Variants in CUZD1 observed in about 807,000 individuals in gnomAD.
CUZD1 encodes CUB and zona pellucida-like domain-containing protein 1.
CUZD1 carries 42 observed loss-of-function variants against 53.1 expected under a neutral mutation model. The ratio of observed to expected loss-of-function variants is 0.79; its 90% confidence interval spans 0.62 to 1.02. The LOEUF is 1.02. Among genes scored for constraint, CUZD1 ranks in the 50% least tolerant of loss-of-function variants. The pLI, the probability that CUZD1 is intolerant of heterozygous loss-of-function variation, is 0.00. For missense variants in CUZD1, 670 were observed against 715.7 expected (o/e 0.94, Z 0.73); for synonymous variants, 238 against 257.2 (o/e 0.93, Z 0.71).
chr10:122,833,962 T>G, intron 7 of CUZD1, 22 bp from the exon 8 acceptor site: 1 of 1,599,194 alleles, frequency 6.3e-7, no homozygotes, highest in East Asian at 2.2e-5. Flanking sequence ...TTTATGAACA[T>G]GTTTAGAAGA....
chr10:122,837,738 G>A (rs1053612606), intron 3 of CUZD1, 184 bp from the exon 4 acceptor site: 5 of 526,762 alleles, frequency 9.5e-6, no homozygotes, highest in African/African-American at 8.0e-5. Context: ...CTGGTGCAGG[G>A]CAGAGAGGGA....
chr10:122,844,172 T>C (rs1317391547), intron 1 of CUZD1, among the ~76,000 whole-genome samples: 1 of 151,536 alleles, frequency 6.6e-6, no homozygotes, highest in Non-Finnish European at 1.5e-5. Context: ...GGGACTACAG[T>C]CATGTACCAC....
chr10:122,835,345 T>C (rs962595614), intron 6 of CUZD1, among the ~76,000 whole-genome samples: 1 of 152,198 alleles, frequency 6.6e-6, no homozygotes, highest in Admixed American at 6.5e-5. Flanking sequence ...TTTTTTCAGT[T>C]ACAGTAAAAT....
chr10:122,834,711 C>A lies in CUZD1; in HGVS notation c.1377G>T (p.Lys459Asn). 1 of 1,595,894 alleles carries A rather than the reference C, an allele frequency of 6.3e-7. No individual in the cohort carries two copies. Among genetic ancestry groups the A allele is most frequent in the Non-Finnish European group, 8.5e-7 (1 of 1,170,604 alleles). The change falls in exon 7 of 9, where the codon AAG (lysine) becomes AAT (asparagine). Residue 459 changes from lysine to asparagine, a missense_variant. Lys to Asn is a moderately conservative substitution (Grantham distance 94). Coordinates refer to ENST00000392790, the MANE Select transcript of CUZD1 (RefSeq NM_022034.6). ...TCAGTTACATTAATACATACCCACT[C>A]TTGATTAGGTCGTAGGTTGGAGATG... The part of the protein sequence containing the change: ...DFASPTYDLI[K>N]SGCSRDETCK...
At position 122,836,182 on chromosome 10, in the gene CUZD1, CT is replaced by C. The variant is rs1847247088; in HGVS notation, c.985del (p.Arg329GlufsTer3). On this transcript the variant is annotated frameshift_variant, in exon 6 of 9. Coordinates refer to ENST00000392790, the MANE Select transcript of CUZD1 (RefSeq NM_022034.6). LOFTEE classifies it high-confidence loss of function. ...GCTATCAGTATTTCACTTTACCTTT[CT>C]GATTGTACCACATCCATTAAGAGGG... ...SVPLNGCGTI[R>X]KVEDQSITYT... is the part of the protein sequence containing the mutation. 1.9e-6 allele frequency: 3 copies of C among 1,598,586 alleles called. No homozygotes were observed. Among genetic ancestry groups the C allele is most frequent in the Non-Finnish European group, 1.7e-6 (2 of 1,175,314 alleles).
chr10:122,835,074 G>GT lies in CUZD1; in HGVS notation c.1013dup (p.Tyr338Ter), dbSNP rs1847227518. 6.3e-7 allele frequency: 1 copy of GT among 1,584,620 alleles called. No homozygotes were observed. The highest frequency in any genetic ancestry group is 1.2e-5 in the South Asian group (1 of 85,628). ...IRKVEDQSIT[Y>*]TNIITFSASS... ...ATGCAGAAAAGGTGATTATATTGGT[G>GT]TAAGTAATTGACTGATCTTCTACCT... The change falls in exon 7 of 9, where the codon TAC (tyrosine) becomes TAAC (stop). Residue 338 changes from tyrosine (Y) to a stop codon, truncating the protein, a stop_gained and frameshift_variant. Transcript: ENST00000392790. LOFTEE classifies it high-confidence loss of function.
chr10:122,838,150 C>A (rs1311503725), intron 3 of CUZD1: 1 of 152,484 alleles, frequency 6.6e-6, no homozygotes, highest in Non-Finnish European at 1.5e-5. Context: ...ATGCAGAGAG[C>A]TCTTTTTGGA....
intron 1 of CUZD1, among the ~76,000 whole-genome samples, chr10:122,844,594 G>A (rs999235899): frequency 7.2e-5 from 11 of 152,144 alleles, no homozygotes; most frequent in African/African-American, 2.4e-4. Flanking sequence ...GGGGCTGGGC[G>A]TGGTGACTCA....
At chr10:122,841,821 T>C (rs1188868399) in intron 1 of CUZD1, among the ~76,000 whole-genome samples, 1 of 152,206 alleles carries the variant, frequency 6.6e-6, no homozygotes, top group African/African-American at 2.4e-5. Flanking sequence ...TTCTAACAGA[T>C]GTGTAGCAGC....
Position 122,837,053 on chromosome 10 carries a change from A to G in CUZD1, c.600-5T>C. 6.3e-7 allele frequency: 1 copy of G among 1,587,830 alleles called. No homozygotes were observed. Among genetic ancestry groups the G allele is most frequent in the Non-Finnish European group, 8.6e-7 (1 of 1,158,200 alleles). On this transcript the variant is annotated splice_polypyrimidine_tract_variant and splice_region_variant and intron_variant, in intron 4 of 8. Transcript: ENST00000392790. Reference sequence around the variant, plus strand: ...CACTGTTTGTCTATTTCTAGGCTAGAGAATGAGGGCCTCTGGTGAAAAAGA... The same window carrying G: ...CACTGTTTGTCTATTTCTAGGCTAGGGAATGAGGGCCTCTGGTGAAAAAGA...
At chr10:122,844,695 T>C (rs1847408789) in intron 1 of CUZD1, among the ~76,000 whole-genome samples, 1 of 152,002 alleles carries the variant, frequency 6.6e-6, no homozygotes, top group African/African-American at 2.4e-5. Flanking sequence ...TAGTGAAAAT[T>C]TTTTTCTATA....
At chr10:122,843,717 G>T (rs1218413362) in intron 1 of CUZD1, among the ~76,000 whole-genome samples, 1 of 150,820 alleles carries the variant, frequency 6.6e-6, no homozygotes, top group Non-Finnish European at 1.5e-5. Flanking sequence ...GAGACAGAAA[G>T]TAGAGTAGTG....
At position 122,836,283 on chromosome 10, in the gene CUZD1, G is replaced by C; in HGVS notation, c.885C>G (p.Asn295Lys). 6.2e-7 allele frequency: 1 copy of C among 1,610,158 alleles called. No homozygotes were observed. Among genetic ancestry groups the C allele is most frequent in the Non-Finnish European group, 8.5e-7 (1 of 1,178,824 alleles). Residue 295 changes from asparagine (N) to lysine (K), a missense_variant, in exon 6 of 9, where the codon AAC (asparagine) becomes AAG (lysine). Asn to Lys is a moderately conservative substitution (Grantham distance 94). Coordinates refer to ENST00000392790, the MANE Select transcript of CUZD1 (RefSeq NM_022034.6). ...IISKSYLEAFNSNGNNLQLKD... is the reference protein window; with the variant it reads ...IISKSYLEAFKSNGNNLQLKD... ...TTAGTTGCAAGTTATTCCCATTAGA[G>C]TTAAAAGCCTCTAGGTAGGATTTGC...
In CUZD1 at chr10:122,833,708, G is replaced by T. The variant is rs556196978; in HGVS notation, c.1615C>A (p.Arg539Ser). ...CTTGCACTTCGATCCCTTTTCAGAC[G>T]AATGGGTCCTATGATGGAATCTGTT... ...WKTDSIIGPI[R>S]LKRDRSASGN... Residue 539 changes from arginine (R) to serine (S), a missense_variant, in exon 8 of 9, where the codon CGT becomes AGT. By Grantham distance (110) the Arg-to-Ser change is moderately radical. Transcript: ENST00000392790. 3 of 1,613,698 alleles carry T rather than the reference G, an allele frequency of 1.9e-6. No individual in the cohort carries two copies. The highest frequency in any genetic ancestry group is 1.1e-5 in the South Asian group (1 of 91,058).
chr10:122,834,804 C>T lies in CUZD1; in HGVS notation c.1284G>A (p.Leu428=), dbSNP rs1847221961. The T allele has an allele frequency of 6.2e-7, 1 of 1,613,798 alleles. No individual in the cohort carries two copies. The change falls in exon 7 of 9, where the codon CTG becomes CTA. Residue 428 remains leucine, a synonymous_variant. Transcript: ENST00000392790. ...LNQTLFVQVS[L]HTSDPNLVVF... is the part of the protein sequence containing the mutation. ...CCACCAAATTTGGATCTGAGGTGTG[C>T]AGACTAACTTGAACAAAAAGAGTTT... is the stretch of plus-strand genomic sequence containing the variant.
In CUZD1 at chr10:122,834,145, A is replaced by G. The variant is rs142222886; in HGVS notation, c.1383-205T>C. ...TTTCTAGCTCTAAAATTCCTGGTCC[A>G]TATAACTTAATCAGAAAACCAATAC... On this transcript the variant is annotated intron_variant, in intron 7 of 8. Transcript: ENST00000392790. Among the ~76,000 whole-genome samples, 19 of 152,358 alleles carry G rather than the reference A, an allele frequency of 1.2e-4. No individual in the cohort carries two copies. The South Asian group carries it at 3.5e-3, about 28-fold the overall frequency.
In CUZD1 at chr10:122,833,861, A is replaced by G; in HGVS notation, c.1462T>C (p.Leu488=). The change falls in exon 8 of 9, where the codon TTG becomes CTG. Residue 488 remains leucine, a synonymous_variant. Transcript: ENST00000392790. ...AGATACACAGAGCTCATACTTCTCA[A>G]GAATTTAAAGGCATTAAACTGGAAT... ...GRFQFNAFKF[L]RSMSSVYLQC... 1 of 1,614,092 alleles carries G rather than the reference A, an allele frequency of 6.2e-7. No homozygotes were observed. The highest frequency in any genetic ancestry group is 8.5e-7 in the Non-Finnish European group (1 of 1,179,944).
Position 122,835,136 on chromosome 10 carries a change from T to A in CUZD1, c.991-39A>T, listed in dbSNP as rs77641396. 9.1e-4 allele frequency: 1,338 copies of A among 1,465,586 alleles called. 16 individuals are homozygous for A. In the African/African-American group the frequency reaches 0.018, roughly 19 times the overall value. The allele number at this position is 1,465,586 out of a possible 1,614,324, so 90.8% of individuals were successfully genotyped here. A position where few individuals can be genotyped will look rare whatever the true frequency, so the allele number is the denominator to read the frequency against. On this transcript the variant is annotated intron_variant, in intron 6 of 8. Coordinates refer to ENST00000392790, the MANE Select transcript of CUZD1 (RefSeq NM_022034.6). ...TAGAATTCAATTTTTATATTTTAAG[T>A]CCAGTAATATTTTAGAGCATAGATG...
rs76764875 is a variant in CUZD1 at position 122,838,997 on chromosome 10, T to G, written c.448+20A>C. ...TGCTTGTAGGAGATGTGGGTGAAGG[T>G]TGTGTAAATGAGGACTTACAGATGT... On this transcript the variant is annotated intron_variant, in intron 3 of 8. Transcript: ENST00000392790. 8.9e-4 allele frequency: 1,396 copies of G among 1,569,912 alleles called. 18 individuals carry two copies. The African/African-American group carries it at 0.017, about 20-fold the overall frequency.
Sources: gnomAD v4.1 joint callset for allele counts (sites outside exome capture counted in the v4.1 genomes callset) on GRCh38, gnomAD v4.1.1 for gene constraint, MANE v1.5 for transcripts, NCBI Gene and HGNC (gene_info 2026-07-23, HGNC 2026-07-21) for gene names.